The following AGBL1 variants were observed in gnomAD, a reference collection of about 807,000 sequenced individuals.
AGBL1 encodes cytosolic carboxypeptidase 4.
In AGBL1, 130 loss-of-function variants were observed where a neutral mutation model predicts 118.9. The ratio of observed to expected loss-of-function variants is 1.09; its 90% CI spans 0.95 to 1.26. AGBL1 has a LOEUF of 1.26. Ranked by LOEUF, AGBL1 falls within the 50% of genes most tolerant of loss-of-function variation. The pLI is 0.00. For synonymous variants in AGBL1, 555 were observed against 478.9 expected, an observed-to-expected ratio of 1.16 and a Z score of -2.08; for missense variants, 1,584 against 1,298.1, an observed-to-expected ratio of 1.22 and a Z score of -3.38.
chr15:86,482,235 G>T (rs2082661223), intron 18 of AGBL1, among the ~76,000 whole-genome samples: 2 of 152,158 alleles, frequency 1.3e-5, no homozygotes, highest in Admixed American at 1.3e-4. Context: ...ATGCTCAGGT[G>T]TAGTTTGAGG....
intron 22 of AGBL1, among the ~76,000 whole-genome samples, chr15:86,785,157 A>G (rs544045675): frequency 1.4e-4 from 22 of 152,026 alleles, no homozygotes; most frequent in Non-Finnish European, 2.8e-4. Context: ...AATAGGAGAA[A>G]GGAGAGCCAG....
At chr15:86,861,277 G>C (rs951285948) in intron 22 of AGBL1, among the ~76,000 whole-genome samples, 1 of 152,124 alleles carries the variant, frequency 6.6e-6, no homozygotes, top group South Asian at 2.1e-4. Flanking sequence ...AAGTGAACTA[G>C]ATATGATACC....
intron 22 of AGBL1, among the ~76,000 whole-genome samples, chr15:86,819,480 T>A (rs1369457019): frequency 6.6e-6 from 1 of 152,084 alleles, no homozygotes; most frequent in African/African-American, 2.4e-5. Flanking sequence ...CAAGCATTCC[T>A]ATATACCAAT....
At chr15:86,421,221 G>A (rs144674888) in intron 18 of AGBL1, among the ~76,000 whole-genome samples, 9,127 of 152,114 alleles carry the variant, frequency 0.06, 331 homozygotes, top group East Asian at 0.15. Context: ...GAGAAAGGGC[G>A]GGTTACCCAT....
At chr15:86,574,863 C>A (rs1479410611) in intron 21 of AGBL1, among the ~76,000 whole-genome samples, 1 of 151,430 alleles carries the variant, frequency 6.6e-6, no homozygotes, top group East Asian at 2.0e-4. Flanking sequence ...TAGATGTGAG[C>A]CACTGCACCT....
chr15:86,743,658 T>G (rs1162562454), intron 22 of AGBL1, among the ~76,000 whole-genome samples: 1 of 152,132 alleles, frequency 6.6e-6, no homozygotes, highest in East Asian at 1.9e-4. Flanking sequence ...TCTGGAGGGC[T>G]AATGTAGGCC....
At chr15:86,294,803 A>G (rs1209509309) in intron 16 of AGBL1, among the ~76,000 whole-genome samples, 1 of 152,114 alleles carries the variant, frequency 6.6e-6, no homozygotes, top group Non-Finnish European at 1.5e-5. Context: ...GTTTTCTTAC[A>G]TGCATAGATT....
chr15:86,279,554 T>C (rs1451902730), intron 15 of AGBL1, 85 bp from the exon 16 acceptor site: 1 of 1,351,660 alleles, frequency 7.4e-7, no homozygotes, highest in East Asian at 2.4e-5. Context: ...ACGCACAAGA[T>C]TTATAGCATC....
At chr15:86,721,267 C>G (rs1465619887) in intron 22 of AGBL1, among the ~76,000 whole-genome samples, 1 of 152,104 alleles carries the variant, frequency 6.6e-6, no homozygotes, top group African/African-American at 2.4e-5. Context: ...ACTGGCAAAC[C>G]GAATCCAGCA....
chr15:86,187,655 A>G, intron 5 of AGBL1, among the ~76,000 whole-genome samples: 1 of 152,314 alleles, frequency 6.6e-6, no homozygotes. Flanking sequence ...ATTGAATTTA[A>G]CAAGTTTTAA....
intron 23 of AGBL1, among the ~76,000 whole-genome samples, chr15:86,931,951 A>G (rs1297640827): frequency 6.6e-6 from 1 of 152,250 alleles, no homozygotes; most frequent in Non-Finnish European, 1.5e-5. Flanking sequence ...AGCAATGTTT[A>G]TTAAATGCCT....
intron 22 of AGBL1, among the ~76,000 whole-genome samples, chr15:86,689,056 G>T (rs1290141435): frequency 1.3e-5 from 2 of 152,052 alleles, no homozygotes; most frequent in African/African-American, 2.4e-5. Flanking sequence ...ACTTTTATAT[G>T]GTAAATGGTC....
At chr15:86,553,206 A>G (rs1321451704) in intron 20 of AGBL1, among the ~76,000 whole-genome samples, 1 of 152,208 alleles carries the variant, frequency 6.6e-6, no homozygotes, top group Non-Finnish European at 1.5e-5. Context: ...TGCCAACACT[A>G]AAATGAGAGA....
chr15:86,215,229 G>A lies in AGBL1; in HGVS notation c.489-9685G>A, dbSNP rs111915988. ...TGTGTGAGTGTATATGTATGCGTGT[G>A]TGTGTGTGTGTGTGTGTGTGTGTGT... On this transcript the variant is annotated intron_variant, in intron 5 of 22. Transcript: ENST00000614907. Among the ~76,000 whole-genome samples the A allele has an allele frequency of 4.7e-3, 629 of 132,954 alleles. 7 individuals carry two copies. Among genetic ancestry groups the A allele is most frequent in the East Asian group, 0.017 (82 of 4,886 alleles). 87.2% of individuals were successfully genotyped at this position (132,954 alleles called of 152,430 possible).
chr15:86,657,643 T>C (rs1567107258), intron 21 of AGBL1, among the ~76,000 whole-genome samples: 2 of 152,310 alleles, frequency 1.3e-5, no homozygotes, highest in East Asian at 3.9e-4. Flanking sequence ...GTTAATGGTT[T>C]TCCCTAGAAA....
At chr15:86,790,148 T>C (rs1378308009) in intron 22 of AGBL1, among the ~76,000 whole-genome samples, 1 of 152,128 alleles carries the variant, frequency 6.6e-6, no homozygotes, top group Non-Finnish European at 1.5e-5. Flanking sequence ...TTGGCAACCA[T>C]TTTCTAATCA....
chr15:86,655,231 T>C (rs1447746237), intron 21 of AGBL1, among the ~76,000 whole-genome samples: 1 of 152,200 alleles, frequency 6.6e-6, no homozygotes, highest in Non-Finnish European at 1.5e-5. Context: ...ACCTTCCTTT[T>C]ATTTCTGTTT....
intron 23 of AGBL1, among the ~76,000 whole-genome samples, chr15:86,986,126 G>T (rs895118499): frequency 6.6e-6 from 1 of 152,064 alleles, no homozygotes; most frequent in African/African-American, 2.4e-5. Context: ...GTTTCGCCAC[G>T]TTGGCCAGGC....
chr15:87,014,671 C>G (rs899160295), intron 24 of AGBL1, among the ~76,000 whole-genome samples: 1 of 152,042 alleles, frequency 6.6e-6, no homozygotes, highest in Non-Finnish European at 1.5e-5. Context: ...AGAAGAGTAC[C>G]CGGATATTTC....
Sources: allele counts gnomAD v4.1 joint callset (sites outside exome capture counted in the v4.1 genomes callset), GRCh38; gene constraint gnomAD v4.1.1; transcripts MANE v1.5; gene names NCBI Gene and HGNC (gene_info 2026-07-23, HGNC 2026-07-21).